CASTOR2: variants seen among roughly 807,000 people sequenced by gnomAD.
The protein encoded by CASTOR2 is cytosolic arginine sensor for mTORC1 subunit 2, also known as GATS protein like 2.
Under a neutral mutation model 31.2 loss-of-function variants are expected in CASTOR2, and 8 were observed. That is an observed-to-expected ratio of 0.26 (90% CI 0.15 to 0.46). The LOEUF is 0.46. CASTOR2 is among the 20% of genes least tolerant of loss of function. The probability of loss-of-function intolerance (pLI) is 0.99; values close to 1 mark genes in which losing one functional copy is unlikely to be tolerated. For missense variants in CASTOR2, 216 were observed against 382.1 expected (o/e 0.57, Z 3.62); for synonymous variants, 162 against 158.7 (o/e 1.02, Z -0.16).
intron 1 of CASTOR2, among the ~76,000 whole-genome samples, chr7:74,993,475 G>A (rs1231153800): frequency 2.4e-5 from 3 of 125,218 alleles, no homozygotes; most frequent in African/African-American, 8.9e-5. Context: ...TTTTGAGAGC[G>A]AGTCTCACTG....
At chr7:75,008,152 A>G in intron 2 of CASTOR2, 88 bp downstream of exon 2, 4 of 1,501,526 alleles carry the variant, frequency 2.7e-6, no homozygotes, top group Non-Finnish European at 3.7e-6. Flanking sequence ...TCCCCCGCCC[A>G]CCTCCTTATT....
In CASTOR2 at chr7:75,021,817, A is replaced by G. The variant is rs1364776928; in HGVS notation, c.747-57A>G. 1.9e-6 allele frequency: 3 copies of G among 1,541,738 alleles called. No homozygotes were observed. In the East Asian group the frequency reaches 7.3e-5, roughly 38 times the overall value. On this transcript the variant is annotated intron_variant, in intron 6 of 8. Transcript: ENST00000616305. ...GCTCTGGCTGGTGCACCAGCACACC[A>G]AGGAGGGAGTGCAATTCACATCAGC...
rs1048055462 is a variant in CASTOR2, at chr7:75,020,716, C to T, written c.746+567C>T. On this transcript the variant is annotated intron_variant, in intron 6 of 8. Transcript: ENST00000616305. ...ATGTTAGCCAAGATGGTCTGGATCT[C>T]CTGACCTTGTGATCTGCCCGCCCCG... Among the ~76,000 whole-genome samples, 673 of 152,130 alleles carry T rather than the reference C, an allele frequency of 4.4e-3. 23 individuals are homozygous for T. Among genetic ancestry groups the T allele is most frequent in the Admixed American group, 0.038 (575 of 15,282 alleles).
rs878857476 is a variant in CASTOR2 at position 75,028,543 on chromosome 7, C to A, written c.*3844C>A. On this transcript the variant is annotated 3_prime_UTR_variant, in exon 9 of 9. Transcript: ENST00000616305. ...GCTCAGATAGTCTCAACCCCACCCT[C>A]TCCCCTTGCTGCACTCAGAGTACCA... Among the ~76,000 whole-genome samples the A allele has an allele frequency of 0.13, 19,400 of 152,056 alleles. 1,464 individuals carry two copies. Among genetic ancestry groups the A allele is most frequent in the Middle Eastern group, 0.37 (108 of 294 alleles).
At position 74,987,310 on chromosome 7, in the gene CASTOR2, C is replaced by T. The variant is rs1303407212; in HGVS notation, c.114-20684C>T. On this transcript the variant is annotated intron_variant, in intron 1 of 8. Coordinates refer to ENST00000616305, the MANE Select transcript of CASTOR2 (RefSeq NM_001145064.3). Reference sequence around the variant, plus strand: ...ATCTCAGCTACTCGGGAGGCTGAGGCAGGAGAATTGCTTCAACCTGGGAAG... The same window carrying T: ...ATCTCAGCTACTCGGGAGGCTGAGGTAGGAGAATTGCTTCAACCTGGGAAG... Among the ~76,000 whole-genome samples the T allele has an allele frequency of 2.5e-3, 386 of 151,382 alleles. 1 individual carries two copies. The highest frequency in any genetic ancestry group is 8.4e-3 in the African/African-American group (345 of 41,238).
intron 1 of CASTOR2, among the ~76,000 whole-genome samples, chr7:74,999,141 G>A (rs1157023156): frequency 1.3e-5 from 2 of 151,658 alleles, no homozygotes; most frequent in Non-Finnish European, 2.9e-5. Flanking sequence ...GACTACAGGC[G>A]CCCGCCACCA....
intron 2 of CASTOR2, among the ~76,000 whole-genome samples, chr7:75,009,419 C>T (rs1364173673): frequency 2.6e-5 from 4 of 151,322 alleles, no homozygotes; most frequent in Non-Finnish European, 5.9e-5. Context: ...AGGCGCCCGC[C>T]ACCACGCCCG....
chr7:74,984,143 T>C (rs1804010367), intron 1 of CASTOR2, among the ~76,000 whole-genome samples: 2 of 148,750 alleles, frequency 1.3e-5, no homozygotes, highest in South Asian at 4.4e-4. Flanking sequence ...AACCAAGGAA[T>C]AGAATACCAG....
chr7:74,995,109 G>A (rs1185974886), intron 1 of CASTOR2, among the ~76,000 whole-genome samples: 3 of 152,146 alleles, frequency 2.0e-5, no homozygotes, highest in Non-Finnish European at 2.9e-5. Flanking sequence ...ACTGATGAAC[G>A]GAGCGGGATA....
At position 75,026,274 on chromosome 7, in the gene CASTOR2, C is replaced by T. The variant is rs1263834898; in HGVS notation, c.*1575C>T. 1.3e-5 allele frequency among the ~76,000 whole-genome samples: 2 copies of T among 150,322 alleles called. No homozygotes were observed. Among genetic ancestry groups the T allele is most frequent in the African/African-American group, 2.4e-5 (1 of 40,830 alleles). On this transcript the variant is annotated 3_prime_UTR_variant, in exon 9 of 9. Transcript: ENST00000616305. ...GCACGATCTTGGCTCACTACACCCT[C>T]CTCCTCCCAGGTTCAAGTGATTCTC...
intron 1 of CASTOR2, among the ~76,000 whole-genome samples, chr7:74,982,137 C>A (rs1461860848): frequency 3.4e-5 from 5 of 145,418 alleles, no homozygotes; most frequent in Non-Finnish European, 7.5e-5. Flanking sequence ...GAATTTTGGG[C>A]CTGCACTGGA....
chr7:74,999,938 CT>C (rs1804454965), intron 1 of CASTOR2, among the ~76,000 whole-genome samples: 1 of 152,178 alleles, frequency 6.6e-6, no homozygotes, highest in Non-Finnish European at 1.5e-5. Context: ...TAAAAGGCCC[CT>C]GTCAGCTGGG....
chr7:74,984,620 TC>T (rs1444452896), intron 1 of CASTOR2, among the ~76,000 whole-genome samples: 1 of 152,136 alleles, frequency 6.6e-6, no homozygotes, highest in East Asian at 1.9e-4. Flanking sequence ...CCTGCTCCTC[TC>T]ACTGCTGTTG....
At position 75,030,368 on chromosome 7, in the gene CASTOR2, T is replaced by C. The variant is rs1805267829; in HGVS notation, c.*5669T>C. Among the ~76,000 whole-genome samples, 1 of 152,002 alleles carries C rather than the reference T, an allele frequency of 6.6e-6. No homozygotes were observed. Among genetic ancestry groups the C allele is most frequent in the African/African-American group, 2.4e-5 (1 of 41,368 alleles). ...TGTTGTCAGGCCTTGAGTGCAGAAA[T>C]GATTAGGTGAGTGAGGGCAGGACTC... On this transcript the variant is annotated 3_prime_UTR_variant, in exon 9 of 9. Transcript: ENST00000616305.
rs967866991 is a variant in CASTOR2, at chr7:75,024,742, C to T, written c.*43C>T. 6.4e-7 allele frequency: 1 copy of T among 1,551,408 alleles called. No homozygotes were observed. The highest frequency in any genetic ancestry group is 8.7e-7 in the Non-Finnish European group (1 of 1,146,850). The stretch of plus-strand genomic sequence containing the variant: ...CTCCCTGCCGCCGCCCGGGCCCAGC[C>T]CTAACCCTGAAGATTGATCTTGCAG... On this transcript the variant is annotated 3_prime_UTR_variant, in exon 9 of 9. Transcript: ENST00000616305.
At chr7:74,988,661 T>C (rs1804131195) in intron 1 of CASTOR2, among the ~76,000 whole-genome samples, 1 of 152,134 alleles carries the variant, frequency 6.6e-6, no homozygotes, top group South Asian at 2.1e-4. Flanking sequence ...TTTTGGTTCG[T>C]GACGTACTTA....
At chr7:74,994,449 A>G (rs1488792712) in intron 1 of CASTOR2, among the ~76,000 whole-genome samples, 1 of 152,110 alleles carries the variant, frequency 6.6e-6, no homozygotes, top group Non-Finnish European at 1.5e-5. Context: ...CAGAGAGTTG[A>G]TGGGACAAAT....
chr7:74,994,230 G>A (rs1424975878), intron 1 of CASTOR2, among the ~76,000 whole-genome samples: 1 of 152,246 alleles, frequency 6.6e-6, no homozygotes, highest in Non-Finnish European at 1.5e-5. Flanking sequence ...TCCAGGCCAA[G>A]GCCAGGGTTG....
At chr7:75,002,202 A>G (rs1365452995) in intron 1 of CASTOR2, among the ~76,000 whole-genome samples, 2 of 151,838 alleles carry the variant, frequency 1.3e-5, no homozygotes, top group Non-Finnish European at 2.9e-5. Context: ...CTGGGATTAC[A>G]GGTATGAGCC....
Sources: gnomAD v4.1 joint callset for allele counts (sites outside exome capture counted in the v4.1 genomes callset) on GRCh38, gnomAD v4.1.1 for gene constraint, MANE v1.5 for transcripts, NCBI Gene and HGNC (gene_info 2026-07-23, HGNC 2026-07-21) for gene names.